SERPINB12: variants seen among roughly 807,000 people sequenced by gnomAD.
The protein encoded by SERPINB12 is serpin family B member 12.
SERPINB12 carries 57 observed loss-of-function variants against 41.1 expected under a neutral mutation model. That is an observed-to-expected ratio of 1.39 (90% confidence interval 1.12 to 1.73). The LOEUF is 1.73. Ranked by LOEUF, SERPINB12 falls within the 40% of genes most tolerant of loss-of-function variation. SERPINB12 has a pLI of 0.00. For synonymous variants in SERPINB12, 180 were observed against 181.3 expected, an observed-to-expected ratio of 0.99 and a Z score of 0.06; for missense variants, 536 against 501.9, an observed-to-expected ratio of 1.07 and a Z score of -0.65.
chr18:63,550,693 G>A (rs1415772505), intron 1 of SERPINB12, among the ~76,000 whole-genome samples: 1 of 152,126 alleles, frequency 6.6e-6, no homozygotes. Flanking sequence ...CAGCTCACAA[G>A]AGCTGATTTT....
intron 1 of SERPINB12, among the ~76,000 whole-genome samples, chr18:63,544,419 A>T (rs116911329): frequency 0.012 from 1,852 of 152,358 alleles, 29 homozygotes; most frequent in Admixed American, 0.035. Flanking sequence ...AACACATAAG[A>T]GCTTGGAAAA....
chr18:63,558,251 T>C lies in SERPINB12; in HGVS notation c.169-101T>C, dbSNP rs1910743529. 5.4e-6 allele frequency: 7 copies of C among 1,284,718 alleles called. No individual in the cohort carries two copies. In the East Asian group the frequency reaches 1.7e-4, roughly 31 times the overall value. The allele number at this position is 1,284,718 out of a possible 1,614,324, so 79.6% of individuals were successfully genotyped here. On this transcript the variant is annotated intron_variant, in intron 2 of 7. Transcript: ENST00000382768. Reference sequence around the variant, plus strand: ...ACTGTTGTTGATTGTTTTGTTTGACTATGTAATCATTGCCATTGTCTCATT... The same window carrying C: ...ACTGTTGTTGATTGTTTTGTTTGACCATGTAATCATTGCCATTGTCTCATT...
chr18:63,535,676 G>C, the SERPINB12 span, among the ~76,000 whole-genome samples: 11 of 152,152 alleles, frequency 7.2e-5, no homozygotes, highest in Non-Finnish European at 1.6e-4. Context: ...ATTGGAATAT[G>C]AACTATGAAC....
chr18:63,560,729 C>T (rs1426425351), intron 4 of SERPINB12, among the ~76,000 whole-genome samples: 1 of 151,982 alleles, frequency 6.6e-6, no homozygotes, highest in Non-Finnish European at 1.5e-5. Flanking sequence ...GAGTTTAATT[C>T]TTAAAAACAG....
chr18:63,525,005 C>T, the SERPINB12 span, among the ~76,000 whole-genome samples: 1 of 152,108 alleles, frequency 6.6e-6, no homozygotes, highest in African/African-American at 2.4e-5. Flanking sequence ...CAGTCTCGGC[C>T]TCCCAAAGTG....
At chr18:63,551,288 C>CA (rs750984928) in intron 1 of SERPINB12, among the ~76,000 whole-genome samples, 429 of 150,630 alleles carry the variant, frequency 2.8e-3, no homozygotes, top group Admixed American at 5.7e-3. Flanking sequence ...AACAAAGAAA[C>CA]AAAAAAAACA....
At chr18:63,520,437 G>C in the SERPINB12 span, among the ~76,000 whole-genome samples, 4 of 152,232 alleles carry the variant, frequency 2.6e-5, no homozygotes, top group Admixed American at 2.6e-4. Flanking sequence ...TGAAATGCAT[G>C]TGTCAGTGGA....
In SERPINB12 at chr18:63,567,068, CCTGGCATAA is replaced by C. The variant is rs1239437030; in HGVS notation, c.*58_*66del. On this transcript the variant is annotated 3_prime_UTR_variant, in exon 8 of 8. Coordinates refer to ENST00000382768, the MANE Select transcript of SERPINB12 (RefSeq NM_001307928.2). ...GAGGAAAATATCAATACAATCTTCC[CCTGGCATAA>C]GATGGGCATTTGAGTTTTTGGTAAT... The C allele has an allele frequency of 2.8e-5, 42 of 1,490,650 alleles. No individual in the cohort carries two copies. The highest frequency in any genetic ancestry group is 3.7e-5 in the Non-Finnish European group (41 of 1,114,092). The allele number at this position is 1,490,650 out of a possible 1,614,324, so 92.3% of individuals were successfully genotyped here.
At chr18:63,564,227 G>A in intron 6 of SERPINB12, 107 bp downstream of exon 6, 1 of 1,255,304 alleles carries the variant, frequency 8.0e-7, no homozygotes, top group South Asian at 1.5e-5. Context: ...TTTACAATAA[G>A]AACATTTTTC....
At chr18:63,558,749 A>G (rs1479243379) in intron 3 of SERPINB12, among the ~76,000 whole-genome samples, 1 of 152,182 alleles carries the variant, frequency 6.6e-6, no homozygotes, top group African/African-American at 2.4e-5. Flanking sequence ...ATCTGCTTCT[A>G]TAGGCCACAG....
the SERPINB12 span, among the ~76,000 whole-genome samples, chr18:63,533,553 G>A: frequency 6.6e-6 from 1 of 152,166 alleles, no homozygotes; most frequent in African/African-American, 2.4e-5. Flanking sequence ...TGGAACAGAG[G>A]CATAGTTTTA....
Position 63,556,201 on chromosome 18 carries a change from TC to T in SERPINB12, c.43del (p.Leu15PhefsTer5). 1 of 1,614,080 alleles carries T rather than the reference TC, an allele frequency of 6.2e-7. No individual in the cohort carries two copies. The highest frequency in any genetic ancestry group is 8.5e-7 in the Non-Finnish European group (1 of 1,179,942). The part of the protein sequence containing the change: ...VTANTKFCFD[L>X]FQEIGKDDRH... Reference sequence around the variant, plus strand: ...CAGCAAACACCAAATTTTGCTTTGATCTTTTTCAAGAGATAGGCAAAGATGA... The same window carrying T: ...CAGCAAACACCAAATTTTGCTTTGATTTTTTCAAGAGATAGGCAAAGATGA... On this transcript the variant is annotated frameshift_variant, in exon 2 of 8. Coordinates refer to ENST00000382768, the MANE Select transcript of SERPINB12 (RefSeq NM_001307928.2). LOFTEE classifies it high-confidence loss of function.
At chr18:63,538,630 A>G (rs1910217619), upstream of SERPINB12, among the ~76,000 whole-genome samples, 2 of 152,110 alleles carry the variant, frequency 1.3e-5, no homozygotes, top group South Asian at 4.1e-4. Context: ...TTTGGCTATT[A>G]TGATTAATAT....
At chr18:63,545,122 T>C (rs571664339) in intron 1 of SERPINB12, among the ~76,000 whole-genome samples, 1 of 152,304 alleles carries the variant, frequency 6.6e-6, no homozygotes, top group Admixed American at 6.5e-5. Flanking sequence ...GGCTCATAAT[T>C]CTTGCTGAGT....
intron 1 of SERPINB12, among the ~76,000 whole-genome samples, chr18:63,547,208 AT>A (rs1416020597): frequency 6.6e-6 from 1 of 152,190 alleles, no homozygotes; most frequent in Non-Finnish European, 1.5e-5. Flanking sequence ...CCTGATGTAT[AT>A]GATTGATTTT....
At chr18:63,548,323 T>C (rs555679678) in intron 1 of SERPINB12, among the ~76,000 whole-genome samples, 390 of 152,236 alleles carry the variant, frequency 2.6e-3, no homozygotes, top group African/African-American at 9.2e-3. Flanking sequence ...TATTTAAAAA[T>C]GTATCTTCAA....
chr18:63,555,696 G>A (rs533102103), intron 1 of SERPINB12, among the ~76,000 whole-genome samples: 5 of 152,172 alleles, frequency 3.3e-5, no homozygotes, highest in Middle Eastern at 3.4e-3. Flanking sequence ...ATGTGAAGAT[G>A]GAGGCAGAGA....
Position 63,563,235 on chromosome 18 carries a change from T to G in SERPINB12, c.563-743T>G, listed in dbSNP as rs190028613. Among the ~76,000 whole-genome samples, 400 of 152,366 alleles carry G rather than the reference T, an allele frequency of 2.6e-3. 1 individual carries two copies. Among genetic ancestry groups the G allele is most frequent in the Non-Finnish European group, 4.5e-3 (303 of 68,032 alleles). Reference sequence around the variant, plus strand: ...TATATCATGGTCTAGCACATTTATGTGTATTTTTGTTTACATGTAAGCATA... The same window carrying G: ...TATATCATGGTCTAGCACATTTATGGGTATTTTTGTTTACATGTAAGCATA... On this transcript the variant is annotated intron_variant, in intron 5 of 7. Coordinates refer to ENST00000382768, the MANE Select transcript of SERPINB12 (RefSeq NM_001307928.2).
the SERPINB12 span, among the ~76,000 whole-genome samples, chr18:63,533,338 G>T: frequency 6.6e-6 from 1 of 152,192 alleles, no homozygotes; most frequent in Admixed American, 6.5e-5. Context: ...TAAGAAGGTT[G>T]AATCCTGACT....
Sources: allele counts gnomAD v4.1 joint callset (sites outside exome capture counted in the v4.1 genomes callset), GRCh38; gene constraint gnomAD v4.1.1; transcripts MANE v1.5; gene names NCBI Gene and HGNC (gene_info 2026-07-23, HGNC 2026-07-21).